The following DLGAP1 variants were observed in gnomAD, a reference collection of about 807,000 sequenced individuals.
DLGAP1 encodes the protein disks large-associated protein 1.
A neutral mutation model predicts 90.8 loss-of-function variants in DLGAP1; 11 were observed. The observed-to-expected ratio is 0.12, with a 90% CI of 0.08 to 0.20. DLGAP1 has a LOEUF of 0.20. DLGAP1 is among the 10% of genes least tolerant of loss of function. The pLI is 1.00. For missense variants in DLGAP1, 1,050 were observed against 1,333.8 expected, an observed-to-expected ratio of 0.79 and a Z score of 3.31; for synonymous variants, 558 against 540.7, an observed-to-expected ratio of 1.03 and a Z score of -0.44.
intron 3 of DLGAP1, among the ~76,000 whole-genome samples, chr18:3,926,419 T>C (rs62083594): frequency 0.13 from 15,436 of 122,198 alleles, 1,171 homozygotes; most frequent in African/African-American, 0.25. Context: ...TATATATATA[T>C]ATACACACAC....
At chr18:4,298,651 A>T (rs1012887210) in intron 1 of DLGAP1, among the ~76,000 whole-genome samples, 9 of 152,260 alleles carry the variant, frequency 5.9e-5, no homozygotes, top group African/African-American at 2.2e-4. Flanking sequence ...GAGGGAAAGC[A>T]TCGGGAGATA....
chr18:4,037,480 T>C (rs1271560991), intron 2 of DLGAP1, among the ~76,000 whole-genome samples: 1 of 152,246 alleles, frequency 6.6e-6, no homozygotes, highest in African/African-American at 2.4e-5. Context: ...ACATATTATA[T>C]TACTGTAACA....
rs1200757058 is a variant in DLGAP1 at position 4,316,621 on chromosome 18, G to A, written c.-267+138385C>T. 2.6e-5 allele frequency among the ~76,000 whole-genome samples: 4 copies of A among 152,160 alleles called. No individual in the cohort carries two copies. The East Asian group carries it at 7.7e-4, about 29-fold the overall frequency. ...AATGATGGAGGCCTCTGAGAACAGT[G>A]TTGGCCTCTGTACAGTTTCCTGCCA... is the stretch of plus-strand genomic sequence containing the variant. On this transcript the variant is annotated intron_variant, in intron 1 of 12. Coordinates refer to ENST00000315677, the MANE Select transcript of DLGAP1 (RefSeq NM_004746.4).
chr18:4,162,997 G>C (rs1192666381), intron 1 of DLGAP1, among the ~76,000 whole-genome samples: 2 of 152,102 alleles, frequency 1.3e-5, no homozygotes, highest in Non-Finnish European at 2.9e-5. Flanking sequence ...TTAAATGCTT[G>C]AGTCTGACTC....
intron 1 of DLGAP1, chr18:4,280,912 TC>T (rs1340183399): frequency 6.6e-6 from 1 of 152,236 alleles, no homozygotes. Flanking sequence ...CCCTCAGCAT[TC>T]TTTCAAAAAT....
intron 2 of DLGAP1, among the ~76,000 whole-genome samples, chr18:4,064,664 CAG>C (rs1252502298): frequency 1.3e-5 from 2 of 151,956 alleles, no homozygotes; most frequent in Non-Finnish European, 2.9e-5. Context: ...AATCCCTGAA[CAG>C]ACTCATAATC....
intron 1 of DLGAP1, among the ~76,000 whole-genome samples, chr18:4,179,309 C>T (rs189751952): frequency 1.3e-5 from 2 of 152,002 alleles, no homozygotes; most frequent in African/African-American, 4.8e-5. Context: ...TAAATGACAC[C>T]GGCAACTGTA....
intron 1 of DLGAP1, among the ~76,000 whole-genome samples, chr18:4,360,325 A>G (rs1322910959): frequency 6.6e-6 from 1 of 152,220 alleles, no homozygotes; most frequent in Non-Finnish European, 1.5e-5. Flanking sequence ...ATAGGGTTAC[A>G]TTAGAAAAAG....
At chr18:3,728,470 C>T (rs961848970) in intron 7 of DLGAP1, among the ~76,000 whole-genome samples, 2 of 151,868 alleles carry the variant, frequency 1.3e-5, no homozygotes, top group African/African-American at 2.4e-5. Context: ...TCTGTGTCTC[C>T]GTGCCTAAAA....
chr18:4,162,688 T>C (rs1412849033), intron 1 of DLGAP1, among the ~76,000 whole-genome samples: 6 of 152,142 alleles, frequency 3.9e-5, no homozygotes. Flanking sequence ...AGTCAACATA[T>C]ATCTTCTTCT....
At chr18:4,121,176 G>T (rs1378374978) in intron 2 of DLGAP1, among the ~76,000 whole-genome samples, 1 of 152,154 alleles carries the variant, frequency 6.6e-6, no homozygotes, top group African/African-American at 2.4e-5. Context: ...TTTAAGACCT[G>T]AGAGTGAGAA....
At chr18:4,237,401 C>G (rs915825000) in intron 1 of DLGAP1, among the ~76,000 whole-genome samples, 1 of 152,080 alleles carries the variant, frequency 6.6e-6, no homozygotes, top group African/African-American at 2.4e-5. Context: ...CTGAAGCCTC[C>G]TTTTGTTAGG....
In DLGAP1 at chr18:3,814,959, T is replaced by A. The variant is rs1328465845; in HGVS notation, c.958-686A>T. 2.6e-5 allele frequency among the ~76,000 whole-genome samples: 4 copies of A among 152,238 alleles called. No homozygotes were observed. The East Asian group carries it at 7.7e-4, about 29-fold the overall frequency. Reference sequence around the variant, plus strand: ...TAGGCTCATAAATATTTTGAATATGTACAAATCCACGTCTCTCAGTCTTTA... The same window carrying A: ...TAGGCTCATAAATATTTTGAATATGAACAAATCCACGTCTCTCAGTCTTTA... On this transcript the variant is annotated intron_variant, in intron 4 of 12. Transcript: ENST00000315677.
intron 1 of DLGAP1, among the ~76,000 whole-genome samples, chr18:4,274,084 C>A (rs1314120037): frequency 7.0e-6 from 1 of 142,784 alleles, no homozygotes; most frequent in Non-Finnish European, 1.5e-5. Context: ...TTTTTTTTTT[C>A]CTCCGTCTTA....
chr18:3,684,378 T>A (rs1182891738), intron 7 of DLGAP1, among the ~76,000 whole-genome samples: 2 of 149,850 alleles, frequency 1.3e-5, no homozygotes, highest in Non-Finnish European at 3.0e-5. Flanking sequence ...TTTTTTTTTT[T>A]TAGCACAGAT....
chr18:3,871,839 G>C (rs1311685573), intron 4 of DLGAP1, among the ~76,000 whole-genome samples: 1 of 152,184 alleles, frequency 6.6e-6, no homozygotes, highest in African/African-American at 2.4e-5. Flanking sequence ...TATTGTTGCA[G>C]GGATACCTAT....
At chr18:3,651,771 G>C (rs945441517) in intron 7 of DLGAP1, among the ~76,000 whole-genome samples, 8 of 152,124 alleles carry the variant, frequency 5.3e-5, no homozygotes, top group African/African-American at 1.9e-4. Flanking sequence ...TCAGGAGTTC[G>C]AGACCAGCCT....
At chr18:3,834,688 T>C (rs1488818619) in intron 4 of DLGAP1, among the ~76,000 whole-genome samples, 2 of 152,248 alleles carry the variant, frequency 1.3e-5, no homozygotes, top group African/African-American at 4.8e-5. Context: ...GTAACAGTGA[T>C]GGCTGCCTTT....
chr18:3,714,168 T>C (rs1255676118), intron 7 of DLGAP1, among the ~76,000 whole-genome samples: 1 of 152,228 alleles, frequency 6.6e-6, no homozygotes, highest in Non-Finnish European at 1.5e-5. Context: ...GAGACAGATA[T>C]GGGTGTCCTG....
Sources: allele counts gnomAD v4.1 joint callset (sites outside exome capture counted in the v4.1 genomes callset), GRCh38; gene constraint gnomAD v4.1.1; transcripts MANE v1.5; gene names NCBI Gene and HGNC (gene_info 2026-07-23, HGNC 2026-07-21).